LGR5: variants seen among roughly 807,000 people sequenced by gnomAD.
The protein encoded by LGR5 is leucine-rich repeat-containing G protein-coupled receptor 5.
Under a neutral mutation model 76.7 loss-of-function variants are expected in LGR5, and 54 were observed. The observed-to-expected ratio is 0.70, with a 90% CI of 0.57 to 0.88. LGR5 has a LOEUF of 0.88. Ranked by LOEUF, LGR5 falls within the 40% of genes least tolerant of loss-of-function variation. The pLI is 0.00. For missense variants in LGR5, 1,078 were observed against 1,073.3 expected (o/e 1.00, Z -0.06); for synonymous variants, 406 against 421.9 (o/e 0.96, Z 0.46).
intron 4 of LGR5, among the ~76,000 whole-genome samples, chr12:71,544,660 A>C (rs1386319289): frequency 6.6e-6 from 1 of 152,048 alleles, no homozygotes; most frequent in Non-Finnish European, 1.5e-5. Flanking sequence ...CGATAGTATT[A>C]TAATAGTTCT....
intron 1 of LGR5, among the ~76,000 whole-genome samples, chr12:71,490,786 A>C (rs1329665524): frequency 6.6e-6 from 1 of 152,192 alleles, no homozygotes; most frequent in South Asian, 2.1e-4. Context: ...AAACAATGTA[A>C]AACATTTTGT....
At chr12:71,568,767 A>G (rs988422924) in intron 11 of LGR5, among the ~76,000 whole-genome samples, 2 of 152,162 alleles carry the variant, frequency 1.3e-5, no homozygotes, top group Non-Finnish European at 2.9e-5. Context: ...CTGGGGGTAT[A>G]GATCTGAGAG....
intron 6 of LGR5, among the ~76,000 whole-genome samples, chr12:71,557,210 A>G (rs1348931814): frequency 6.6e-6 from 1 of 152,234 alleles, no homozygotes; most frequent in Non-Finnish European, 1.5e-5. Flanking sequence ...GCTTGAGCCC[A>G]GGAATTTGAG....
At chr12:71,580,482 A>G in intron 16 of LGR5, 59 bp downstream of exon 16, 1 of 1,529,950 alleles carries the variant, frequency 6.5e-7, no homozygotes, top group Non-Finnish European at 9.0e-7. Context: ...ACACATGGAA[A>G]TGAATTATGT....
At chr12:71,518,614 G>A (rs1379015243) in intron 2 of LGR5, among the ~76,000 whole-genome samples, 1 of 152,134 alleles carries the variant, frequency 6.6e-6, no homozygotes, top group Non-Finnish European at 1.5e-5. Flanking sequence ...CCCATCAGAG[G>A]TAGACTGGAT....
Position 71,517,585 on chromosome 12 carries a change from TGATAAACACCTA to T in LGR5, c.285-6819_285-6808del, listed in dbSNP as rs564892398. ...ATGATACTGTCACAGCAGTGAGAGCTGATAAACACCTAGTTGAAGGCTATGTTTTAGAGCTCA... is the reference window on the plus strand; with the variant it reads ...ATGATACTGTCACAGCAGTGAGAGCTGTTGAAGGCTATGTTTTAGAGCTCA... On this transcript the variant is annotated intron_variant, in intron 2 of 17. Coordinates refer to ENST00000266674, the MANE Select transcript of LGR5 (RefSeq NM_003667.4). Among the ~76,000 whole-genome samples, 190 of 152,348 alleles carry T rather than the reference TGATAAACACCTA, an allele frequency of 1.2e-3. 1 individual carries two copies. Among genetic ancestry groups the T allele is most frequent in the African/African-American group, 4.4e-3 (184 of 41,588 alleles).
chr12:71,513,988 G>C (rs1875300551), intron 2 of LGR5, among the ~76,000 whole-genome samples: 1 of 152,082 alleles, frequency 6.6e-6, no homozygotes, highest in Admixed American at 6.6e-5. Flanking sequence ...ACTTATAAAA[G>C]GGTACCAAAT....
rs755740890 is a variant in LGR5 at position 71,504,601 on chromosome 12, T to C, written c.213-13T>C. 6.2e-6 allele frequency: 10 copies of C among 1,612,224 alleles called. No homozygotes were observed. The Admixed American group carries it at 1.7e-4, about 27-fold the overall frequency. On this transcript the variant is annotated splice_polypyrimidine_tract_variant and intron_variant, in intron 1 of 17. Coordinates refer to ENST00000266674, the MANE Select transcript of LGR5 (RefSeq NM_003667.4). ...TTTGCTGCTCCTCACACGCTGTCTG[T>C]TTTCCCCCCCAGAGACCTCAGTATG...
chr12:71,561,086 A>G (rs1878034089), intron 7 of LGR5, among the ~76,000 whole-genome samples: 1 of 152,214 alleles, frequency 6.6e-6, no homozygotes, highest in Admixed American at 6.5e-5. Context: ...AATAAGACAT[A>G]CAGCTAAAGG....
chr12:71,572,775 A>G, intron 12 of LGR5, 75 bp from the exon 13 acceptor site: 2 of 1,108,056 alleles, frequency 1.8e-6, no homozygotes, highest in South Asian at 1.3e-5. Flanking sequence ...TAGTCCCTCT[A>G]TAAAAGTTAT....
At chr12:71,582,356 C>A in intron 16 of LGR5, 100 bp from the exon 17 acceptor site, 1 of 915,586 alleles carries the variant, frequency 1.1e-6, no homozygotes, top group Non-Finnish European at 1.7e-6. Flanking sequence ...GAATTTGTGA[C>A]AGTTCATGTC....
intron 2 of LGR5, among the ~76,000 whole-genome samples, chr12:71,508,728 T>C (rs1874991223): frequency 8.2e-6 from 1 of 121,498 alleles, no homozygotes; most frequent in South Asian, 2.6e-4. Context: ...CAGTCCAGCC[T>C]GGTGATAGAG....
At chr12:71,461,344 C>T (rs1872679063) in intron 1 of LGR5, among the ~76,000 whole-genome samples, 1 of 152,130 alleles carries the variant, frequency 6.6e-6, no homozygotes, top group Non-Finnish European at 1.5e-5. Flanking sequence ...ATGAAAATAT[C>T]AGTTAATTAT....
intron 1 of LGR5, among the ~76,000 whole-genome samples, chr12:71,441,300 C>G (rs957760199): frequency 1.3e-5 from 2 of 152,204 alleles, no homozygotes; most frequent in Admixed American, 1.3e-4. Context: ...CACCCCCGTG[C>G]AAAGCATCTG....
intron 1 of LGR5, among the ~76,000 whole-genome samples, chr12:71,477,321 A>G (rs1873380389): frequency 6.6e-6 from 1 of 152,206 alleles, no homozygotes; most frequent in African/African-American, 2.4e-5. Context: ...GTGCAAATGG[A>G]TGCCTCTGGG....
At chr12:71,507,917 T>G (rs1874938105) in intron 2 of LGR5, among the ~76,000 whole-genome samples, 1 of 152,070 alleles carries the variant, frequency 6.6e-6, no homozygotes, top group Non-Finnish European at 1.5e-5. Flanking sequence ...ATCATAAAAC[T>G]CAGTCTTTAA....
chr12:71,543,819 A>G lies in LGR5; in HGVS notation c.428+8633A>G, dbSNP rs974399940. 2.6e-5 allele frequency among the ~76,000 whole-genome samples: 4 copies of G among 152,230 alleles called. No homozygotes were observed. The East Asian group carries it at 7.7e-4, about 29-fold the overall frequency. ...TGGAAAGTCTCGGAGATGAAGATAA[A>G]TGGAAAGAACTTAGTGAATGATTGG... On this transcript the variant is annotated intron_variant, in intron 4 of 17. Transcript: ENST00000266674.
intron 1 of LGR5, among the ~76,000 whole-genome samples, chr12:71,500,082 A>G (rs902930057): frequency 2.0e-5 from 3 of 152,126 alleles, no homozygotes; most frequent in African/African-American, 7.2e-5. Flanking sequence ...AAAGTTAAAG[A>G]TGACTCAGAT....
rs545966643 is a variant in LGR5 at position 71,567,466 on chromosome 12, T to A, written c.1070+554T>A. Among the ~76,000 whole-genome samples the A allele has an allele frequency of 8.5e-5, 13 of 152,336 alleles. No individual in the cohort carries two copies. The East Asian group carries it at 2.5e-3, about 29-fold the overall frequency. ...TATGAAAAAAAGTAGTTTACATGGATTCAAGGAGACTTGTTTTGACCTTCC... is the reference window on the plus strand; with the variant it reads ...TATGAAAAAAAGTAGTTTACATGGAATCAAGGAGACTTGTTTTGACCTTCC... On this transcript the variant is annotated intron_variant, in intron 11 of 17. Coordinates refer to ENST00000266674, the MANE Select transcript of LGR5 (RefSeq NM_003667.4).
Sources: allele counts gnomAD v4.1 joint callset (sites outside exome capture counted in the v4.1 genomes callset), GRCh38; gene constraint gnomAD v4.1.1; transcripts MANE v1.5; gene names NCBI Gene and HGNC (gene_info 2026-07-23, HGNC 2026-07-21).